The following KANSL1 variants were observed in gnomAD, a reference collection of about 807,000 sequenced individuals.
KANSL1 encodes KAT8 regulatory NSL complex subunit 1.
A neutral mutation model predicts 103.6 loss-of-function variants in KANSL1; 22 were observed. The observed-to-expected ratio is 0.21, with a 90% CI of 0.15 to 0.30. The LOEUF (loss-of-function observed/expected upper bound fraction) is 0.30, where lower values mean the gene tolerates loss of function less well. Among genes scored for constraint, KANSL1 ranks in the 10% least tolerant of loss-of-function variants. KANSL1 has a pLI of 1.00. For synonymous variants in KANSL1, 600 were observed against 527.6 expected, an observed-to-expected ratio of 1.14 and a Z score of -1.88; for missense variants, 1,337 against 1,399.8, an observed-to-expected ratio of 0.96 and a Z score of 0.72.
intron 4 of KANSL1, among the ~76,000 whole-genome samples, chr17:46,074,656 A>G (rs1598550810): frequency 6.6e-6 from 1 of 152,012 alleles, no homozygotes; most frequent in Non-Finnish European, 1.5e-5. Context: ...GATCCCAGCT[A>G]CTTGGGAGGC....
intron 1 of KANSL1, among the ~76,000 whole-genome samples, chr17:46,188,315 T>C (rs1567784974): frequency 6.6e-6 from 1 of 152,252 alleles, no homozygotes; most frequent in African/African-American, 2.4e-5. Context: ...TTTCAGGGAA[T>C]GGGAAGTACT....
intron 1 of KANSL1, among the ~76,000 whole-genome samples, chr17:46,192,170 G>A (rs1266551337): frequency 2.0e-5 from 3 of 152,170 alleles, no homozygotes; most frequent in South Asian, 4.1e-4. Context: ...AGTAAGACAC[G>A]GGAGTAGCGC....
intron 2 of KANSL1, among the ~76,000 whole-genome samples, chr17:46,133,037 T>A (rs947341641): frequency 2.0e-5 from 3 of 152,238 alleles, no homozygotes; most frequent in African/African-American, 7.2e-5. Context: ...GGGTCCATTA[T>A]ATGCCAAGTA....
chr17:46,061,151 G>A (rs930342364), intron 6 of KANSL1, among the ~76,000 whole-genome samples: 2 of 152,070 alleles, frequency 1.3e-5, no homozygotes, highest in Non-Finnish European at 2.9e-5. Context: ...GGTTTCCACT[G>A]CCAGACTATA....
intron 2 of KANSL1, among the ~76,000 whole-genome samples, chr17:46,118,376 A>G (rs929233191): frequency 1.3e-5 from 2 of 152,260 alleles, no homozygotes; most frequent in Non-Finnish European, 2.9e-5. Flanking sequence ...GATGTGGCAC[A>G]TGATACACAG....
intron 1 of KANSL1, among the ~76,000 whole-genome samples, chr17:46,215,792 G>A (rs1379149472): frequency 6.6e-6 from 1 of 152,232 alleles, no homozygotes; most frequent in African/African-American, 2.4e-5. Context: ...TGTAATCCCA[G>A]CACTTTGGGA....
At chr17:46,151,596 TG>T (rs1398902370) in intron 2 of KANSL1, among the ~76,000 whole-genome samples, 1 of 152,276 alleles carries the variant, frequency 6.6e-6, no homozygotes, top group Non-Finnish European at 1.5e-5. Flanking sequence ...CCCTGAAAAC[TG>T]TAATATCTTA....
chr17:46,084,155 G>A (rs1171666287), intron 3 of KANSL1, among the ~76,000 whole-genome samples: 2 of 113,070 alleles, frequency 1.8e-5, no homozygotes, highest in East Asian at 1.9e-4. Context: ...GAGGCGGGTG[G>A]ATCACCTGAG....
intron 2 of KANSL1, among the ~76,000 whole-genome samples, chr17:46,124,696 G>A (rs1041154421): frequency 1.3e-5 from 2 of 152,138 alleles, no homozygotes; most frequent in African/African-American, 4.8e-5. Context: ...AACCCCAACA[G>A]GAGTTTGGAA....
intron 1 of KANSL1, among the ~76,000 whole-genome samples, chr17:46,214,774 A>G (rs955528522): frequency 4.6e-5 from 7 of 152,370 alleles, no homozygotes; most frequent in Admixed American, 2.6e-4. Flanking sequence ...AATCAGTACA[A>G]TAGAAGTGCT....
At position 46,192,948 on chromosome 17, in the gene KANSL1, C is replaced by T. The variant is rs1282640226; in HGVS notation, c.-215G>A. On this transcript the variant is annotated 5_prime_UTR_variant, in exon 1 of 15. Coordinates refer to ENST00000432791, the MANE Select transcript of KANSL1 (RefSeq NM_015443.4). ...GGGGGCGCGCGACGGCGGCTCCGGCCCGGGCCCGCCGCTCTCCTCCCCCCG... is the reference window on the plus strand; with the variant it reads ...GGGGGCGCGCGACGGCGGCTCCGGCTCGGGCCCGCCGCTCTCCTCCCCCCG... The T allele has an allele frequency of 2.7e-5, 4 of 150,808 alleles. No homozygotes were observed. Among genetic ancestry groups the T allele is most frequent in the Non-Finnish European group, 5.9e-5 (4 of 67,450 alleles). 9.3% of individuals were successfully genotyped at this position (150,808 alleles called of 1,614,324 possible).
intron 2 of KANSL1, among the ~76,000 whole-genome samples, chr17:46,138,120 G>A (rs930435603): frequency 1.3e-5 from 2 of 152,226 alleles, no homozygotes; most frequent in Admixed American, 6.5e-5. Context: ...TTCCACACAT[G>A]CAAATACAAG....
At chr17:46,214,704 G>A (rs1199261334) in intron 1 of KANSL1, among the ~76,000 whole-genome samples, 1 of 152,072 alleles carries the variant, frequency 6.6e-6, no homozygotes, top group Non-Finnish European at 1.5e-5. Context: ...AAAGACAAGA[G>A]CAAGTCCTCA....
upstream of KANSL1, chr17:46,193,733 G>A (rs1301850644): frequency 8.1e-6 from 2 of 246,018 alleles, no homozygotes; most frequent in African/African-American, 2.4e-5. Flanking sequence ...CCTCGCTGCG[G>A]CCGAGGTGAG....
Position 46,059,887 on chromosome 17 carries a change from T to C in KANSL1, c.1848+6650A>G, listed in dbSNP as rs1053211264. Reference sequence around the variant, plus strand: ...CTTTTTTATTTTTGAGATGAAGAGATTGCACCACTGCACTCCAGCCTGGCG... The same window carrying C: ...CTTTTTTATTTTTGAGATGAAGAGACTGCACCACTGCACTCCAGCCTGGCG... On this transcript the variant is annotated intron_variant, in intron 6 of 14. Coordinates refer to ENST00000432791, the MANE Select transcript of KANSL1 (RefSeq NM_015443.4). Among the ~76,000 whole-genome samples, 4 of 151,570 alleles carry C rather than the reference T, an allele frequency of 2.6e-5. No homozygotes were observed. The East Asian group carries it at 5.8e-4, about 22-fold the overall frequency.
At chr17:46,047,180 A>G (rs2077542360) in intron 7 of KANSL1, among the ~76,000 whole-genome samples, 1 of 152,228 alleles carries the variant, frequency 6.6e-6, no homozygotes, top group South Asian at 2.1e-4. Flanking sequence ...TTTGGTAACA[A>G]AAGCCAAAAA....
chr17:46,178,059 G>C (rs879836451), intron 1 of KANSL1, among the ~76,000 whole-genome samples: 3 of 152,130 alleles, frequency 2.0e-5, no homozygotes, highest in East Asian at 3.9e-4. Flanking sequence ...TTACAGGCAT[G>C]AGCCACCACG....
chr17:46,130,091 CG>C (rs1271778389), intron 2 of KANSL1, among the ~76,000 whole-genome samples: 1 of 148,832 alleles, frequency 6.7e-6, no homozygotes, highest in Non-Finnish European at 1.5e-5. Context: ...GAGGCTGAGA[CG>C]GGAGAATCAC....
rs191966886 is a variant in KANSL1, at chr17:46,122,012, G to A, written c.1290-27311C>T. On this transcript the variant is annotated intron_variant, in intron 2 of 14. Transcript: ENST00000432791. ...AGACTGTACTGAAAGTGAAAACAAC[G>A]GCTGTGGGTACTCAAAGTACAGTTT... Among the ~76,000 whole-genome samples, 40 of 152,268 alleles carry A rather than the reference G, an allele frequency of 2.6e-4. No individual in the cohort carries two copies. In the East Asian group the frequency reaches 6.8e-3, roughly 26 times the overall value.
Sources: allele counts gnomAD v4.1 joint callset (sites outside exome capture counted in the v4.1 genomes callset), GRCh38; gene constraint gnomAD v4.1.1; transcripts MANE v1.5; gene names NCBI Gene and HGNC (gene_info 2026-07-23, HGNC 2026-07-21).